Variants in TNXB observed in about 807,000 individuals in gnomAD.
The protein encoded by TNXB is tenascin XB.
TNXB carries 183 observed loss-of-function variants against 340.5 expected under a neutral mutation model. The observed-to-expected ratio is 0.54, with a 90% CI of 0.48 to 0.61. The LOEUF is 0.61. Among genes scored for constraint, TNXB ranks in the 20% least tolerant of loss-of-function variants. The pLI, the probability that TNXB is intolerant of heterozygous loss-of-function variation, is 0.00. For missense variants in TNXB, 4,613 were observed against 5,446.4 expected (o/e 0.85, Z 4.82); for synonymous variants, 2,121 against 2,314.5 (o/e 0.92, Z 2.40).
chr6:32,104,347 C>T (rs1460136385), intron 1 of TNXB, among the ~76,000 whole-genome samples: 3 of 152,172 alleles, frequency 2.0e-5, no homozygotes, highest in Non-Finnish European at 4.4e-5. Context: ...TTGGCATCTC[C>T]ACTTGGGCAC....
Position 32,050,146 on chromosome 6 carries a change from C to T in TNXB, c.9291G>A (p.Gly3097=), listed in dbSNP as rs1348204280. The T allele has an allele frequency of 2.5e-6, 4 of 1,613,758 alleles. No homozygotes were observed. Among genetic ancestry groups the T allele is most frequent in the South Asian group, 2.2e-5 (2 of 91,090 alleles). The stretch of plus-strand genomic sequence containing the variant: ...CCCGCACCGCCTTGGGCTGCCCATC[C>T]CCATTCCTGTACTGGACCAGGAAGT... The part of the protein sequence containing the change: ...FDHFLVQYRN[G]DGQPKAVRVP... Residue 3097 remains glycine (G), a synonymous_variant, in exon 27 of 44, where the codon GGG becomes GGA. Transcript: ENST00000644971.
rs1364802258 is a variant in TNXB, at chr6:32,082,093, G to T, written c.3679C>A (p.Leu1227Met). 15 of 1,610,410 alleles carry T rather than the reference G, an allele frequency of 9.3e-6. No individual in the cohort carries two copies. Among genetic ancestry groups the T allele is most frequent in the Non-Finnish European group, 1.3e-5 (15 of 1,178,630 alleles). Residue 1227 changes from leucine (L) to methionine (M), a missense_variant, in exon 9 of 44, where the codon CTG becomes ATG. By Grantham distance (15) the Leu-to-Met change is conservative. Transcript: ENST00000644971. The surrounding 1 kb of genome is among the most constrained non-coding windows in gnomAD (Gnocchi z 5.0). ...CGCTTCTTGTTCGCAATTCCAAACAGAGTGAATCTGTACTTGTGGTCAGGG... is the reference window on the plus strand; with the variant it reads ...CGCTTCTTGTTCGCAATTCCAAACATAGTGAATCTGTACTTGTGGTCAGGG... ...LDPDHKYRFT[L>M]FGIANKKRYG...
Position 32,062,640 on chromosome 6 carries a change from C to G in TNXB, c.6842-157G>C, listed in dbSNP as rs1778101666. Reference sequence around the variant, plus strand: ...TCTGCTTTGAATGTTCAGTTAACACCACACCTGTGGTGAAGTCATGATGCT... The same window carrying G: ...TCTGCTTTGAATGTTCAGTTAACACGACACCTGTGGTGAAGTCATGATGCT... On this transcript the variant is annotated intron_variant, in intron 19 of 43. Transcript: ENST00000644971. The surrounding 1 kb of genome is among the most constrained non-coding windows in gnomAD (Gnocchi z 4.3). Among the ~76,000 whole-genome samples the G allele has an allele frequency of 6.6e-6, 1 of 152,194 alleles. No homozygotes were observed. The highest frequency in any genetic ancestry group is 6.5e-5 in the Admixed American group (1 of 15,280).
chr6:32,044,026 G>A lies in TNXB; in HGVS notation c.11367C>T (p.Ser3789=). 2 of 1,585,026 alleles carry A rather than the reference G, an allele frequency of 1.3e-6. No homozygotes were observed. The highest frequency in any genetic ancestry group is 1.7e-6 in the Non-Finnish European group (2 of 1,166,222). Residue 3789 remains serine (S), a synonymous_variant, in exon 34 of 44, where the codon TCC becomes TCT. Transcript: ENST00000644971. ...CACCACCTCCGTCCGCCAGCTGGTAGGAGACTTTGAAGCTGTCCGCCCGGG... is the reference window on the plus strand; with the variant it reads ...CACCACCTCCGTCCGCCAGCTGGTAAGAGACTTTGAAGCTGTCCGCCCGGG... The part of the protein sequence containing the change: ...PPSRADSFKV[S]YQLADGGEPQ...
Position 32,089,774 on chromosome 6 carries a change from C to T in TNXB, c.2359-395G>A, listed in dbSNP as rs1278750399. 6.6e-6 allele frequency among the ~76,000 whole-genome samples: 1 copy of T among 152,136 alleles called. No homozygotes were observed. Among genetic ancestry groups the T allele is most frequent in the Non-Finnish European group, 1.5e-5 (1 of 68,014 alleles). On this transcript the variant is annotated intron_variant, in intron 4 of 43. Coordinates refer to ENST00000644971, the MANE Select transcript of TNXB (RefSeq NM_001365276.2). This position sits in a 1 kb window ranked among gnomAD's most constrained non-coding sequence, Gnocchi z 6.2. ...CACCCCCTATTTATCTGTCAGAGTC[C>T]CCTCTCATGGGCACCCCGTGTTCAT...
At position 32,082,210 on chromosome 6, in the gene TNXB, T is replaced by G. The variant is rs1582442025; in HGVS notation, c.3562A>C (p.Thr1188Pro). ...CTGTCCCTGTACTGGACCATGAAGG[T>G]GTCAAACTGGCCCTCAGGGACAGTC... is the stretch of plus-strand genomic sequence containing the variant. ...SWTVPEGQFDTFMVQYRDRDG... is the reference protein window; with the variant it reads ...SWTVPEGQFDPFMVQYRDRDG... Residue 1188 changes from threonine (T) to proline (P), a missense_variant, in exon 9 of 44, where the codon ACC becomes CCC. Thr to Pro is a conservative substitution (Grantham distance 38). Around this residue, in one of 7 missense-constraint regions of TNXB, gnomAD observed 4,327 missense variants for 4,859.4 expected, o/e 0.89. Coordinates refer to ENST00000644971, the MANE Select transcript of TNXB (RefSeq NM_001365276.2). The surrounding 1 kb of genome is among the most constrained non-coding windows in gnomAD (Gnocchi z 5.0). 1.2e-6 allele frequency: 2 copies of G among 1,612,190 alleles called. No homozygotes were observed. Among genetic ancestry groups the G allele is most frequent in the Non-Finnish European group, 1.7e-6 (2 of 1,179,494 alleles).
In TNXB at chr6:32,085,710, C is replaced by T. The variant is rs1398641601; in HGVS notation, c.3148+40G>A. On this transcript the variant is annotated intron_variant, in intron 7 of 43. Transcript: ENST00000644971. This position sits in a 1 kb window ranked among gnomAD's most constrained non-coding sequence, Gnocchi z 6.4. ...GTCCCAATAACCCCAGCTCCTCCCC[C>T]AATCTCAGGATATTGATCTGAGCAG... The T allele has an allele frequency of 1.3e-6, 2 of 1,491,634 alleles. No homozygotes were observed. Among genetic ancestry groups the T allele is most frequent in the Admixed American group, 4.5e-5 (2 of 44,694 alleles). The allele number at this position is 1,491,634 out of a possible 1,614,324, so 92.4% of individuals were successfully genotyped here.
intron 1 of TNXB, among the ~76,000 whole-genome samples, chr6:32,099,271 T>C (rs558551104): frequency 1.3e-4 from 20 of 151,038 alleles, no homozygotes; most frequent in African/African-American, 4.4e-4. Context: ...TCTTACTCTG[T>C]CGCCCAGGCT....
Position 32,049,485 on chromosome 6 carries a change from G to C in TNXB, c.9542C>G (p.Ser3181Trp), listed in dbSNP as rs756035213. Residue 3181 changes from serine to tryptophan, a missense_variant, in exon 28 of 44, where the codon TCG (serine) becomes TGG (tryptophan). Coordinates refer to ENST00000644971, the MANE Select transcript of TNXB (RefSeq NM_001365276.2). This position sits in a 1 kb window ranked among gnomAD's most constrained non-coding sequence, Gnocchi z 4.5. ...ELTVTGSSPD[S>W]LSLSWTVPQG... ...GGGGACGGTCCAGGAGAGGCTCAGC[G>C]AGTCAGGGGAGGATCCTGTCACTGT... is the stretch of plus-strand genomic sequence containing the variant. 2 of 1,612,572 alleles carry C rather than the reference G, an allele frequency of 1.2e-6. No homozygotes were observed. Among genetic ancestry groups the C allele is most frequent in the Non-Finnish European group, 1.7e-6 (2 of 1,179,850 alleles).
rs537835940 is a variant in TNXB, at chr6:32,055,938, G to T, written c.8380C>A (p.Leu2794Met). ...ATCTTGTATTTGCGCCCGGGCTCCA[G>T]GCCCCCCACGGTGACCTCGCTCTCC... ...GEESEVTVGG[L>M]EPGRKYKMHL... The change falls in exon 24 of 44, where the codon CTG becomes ATG. Residue 2794 changes from leucine (L) to methionine (M), a missense_variant. By Grantham distance (15) the Leu-to-Met change is conservative (BLOSUM62 2). Transcript: ENST00000644971. 1 of 1,613,518 alleles carries T rather than the reference G, an allele frequency of 6.2e-7. No individual in the cohort carries two copies. The highest frequency in any genetic ancestry group is 1.1e-5 in the South Asian group (1 of 91,082).
intron 21 of TNXB, among the ~76,000 whole-genome samples, chr6:32,059,157 G>A (rs1197008105): frequency 4.0e-5 from 6 of 151,750 alleles, no homozygotes; most frequent in South Asian, 4.1e-4. Context: ...AGTGGTTCAC[G>A]CCTGTAATCC....
intron 18 of TNXB, among the ~76,000 whole-genome samples, chr6:32,066,326 TG>T (rs1275210246): frequency 6.6e-6 from 1 of 151,832 alleles, no homozygotes; most frequent in African/African-American, 2.4e-5. Flanking sequence ...CCCAGGAGTC[TG>T]GGGCTGCAGT....
Position 32,068,511 on chromosome 6 carries a change from C to T in TNXB, c.6099G>A (p.Val2033=). The change falls in exon 17 of 44, where the codon GTG becomes GTA. Residue 2033 remains valine (V), a synonymous_variant. Transcript: ENST00000644971. This position sits in a 1 kb window ranked among gnomAD's most constrained non-coding sequence, Gnocchi z 5.3. ...NGDGQPKAVR[V]PGHEEGVTIS... is the part of the protein sequence containing the mutation. ...TGGTGACCCCTTCCTCGTGCCCTGG[C>T]ACCCTCACTGCCTTGGGCTGCCCAT... 2 of 1,613,962 alleles carry T rather than the reference C, an allele frequency of 1.2e-6. No homozygotes were observed. Among genetic ancestry groups the T allele is most frequent in the Non-Finnish European group, 1.7e-6 (2 of 1,179,912 alleles).
rs1776367990 is a variant in TNXB at position 32,041,357 on chromosome 6, C to T, written c.12727G>A (p.Gly4243Arg). Residue 4243 changes from glycine to arginine, a missense_variant, in exon 44 of 44, where the codon GGA (glycine) becomes AGA (arginine). Physicochemically the swap from Gly to Arg is moderately radical, Grantham distance 125. Transcript: ENST00000644971. ...GAGAGGTGGGCAGCAGCTCAGCCTC[C>T]CCCCGCTGGGGAGCGAAAGTTTCTT... ...RPRNFRSPAG[G>R]G is the part of the protein sequence containing the mutation. 3.2e-6 allele frequency: 3 copies of T among 950,120 alleles called. No individual in the cohort carries two copies. The highest frequency in any genetic ancestry group is 5.0e-6 in the Non-Finnish European group (3 of 601,064). 58.9% of individuals were successfully genotyped at this position (950,120 alleles called of 1,614,324 possible). A position where few individuals can be genotyped will look rare whatever the true frequency, so the allele number is the denominator to read the frequency against.
Position 32,061,458 on chromosome 6 carries a change from C to T in TNXB, c.7431G>A (p.Met2477Ile). The change falls in exon 21 of 44, where the codon ATG (methionine) becomes ATA (isoleucine). Residue 2477 changes from methionine (M) to isoleucine (I), a missense_variant. Coordinates refer to ENST00000644971, the MANE Select transcript of TNXB (RefSeq NM_001365276.2). The surrounding 1 kb of genome is among the most constrained non-coding windows in gnomAD (Gnocchi z 4.4). ...GGLEPGRKYKMHLYGLHEGRR... is the reference protein window; with the variant it reads ...GGLEPGRKYKIHLYGLHEGRR... ...GCCCCTCGTGGAGGCCATACAGGTG[C>T]ATCTTGTATTTGCGCCCAGGCTCCA... is the stretch of plus-strand genomic sequence containing the variant. 6 of 1,613,478 alleles carry T rather than the reference C, an allele frequency of 3.7e-6. No homozygotes were observed. Among genetic ancestry groups the T allele is most frequent in the South Asian group, 1.1e-5 (1 of 91,082 alleles).
In TNXB at chr6:32,082,250, T is replaced by C; in HGVS notation, c.3522A>G (p.Ser1174=). ...NLWVTDPTPD[S]LHLSWTVPEG... The stretch of plus-strand genomic sequence containing the variant: ...CAGGGACAGTCCAGGAGAGGTGCAG[T>C]GAATCTGGGGTAGGGTCTGTCACCC... The change falls in exon 9 of 44, where the codon TCA becomes TCG. Residue 1174 remains serine, a synonymous_variant. Coordinates refer to ENST00000644971, the MANE Select transcript of TNXB (RefSeq NM_001365276.2). This position sits in a 1 kb window ranked among gnomAD's most constrained non-coding sequence, Gnocchi z 5.0. 1.2e-6 allele frequency: 2 copies of C among 1,608,598 alleles called. No homozygotes were observed. The highest frequency in any genetic ancestry group is 1.7e-6 in the Non-Finnish European group (2 of 1,178,212).
At position 32,068,358 on chromosome 6, in the gene TNXB, C is replaced by A; in HGVS notation, c.6220+32G>T. Reference sequence around the variant, plus strand: ...GAGCAAGAGGGTGACCCTCCCATGGCTCCCACCCTGGGGCTCCCATCATCC... The same window carrying A: ...GAGCAAGAGGGTGACCCTCCCATGGATCCCACCCTGGGGCTCCCATCATCC... On this transcript the variant is annotated intron_variant, in intron 17 of 43. Coordinates refer to ENST00000644971, the MANE Select transcript of TNXB (RefSeq NM_001365276.2). The surrounding 1 kb of genome is among the most constrained non-coding windows in gnomAD (Gnocchi z 5.3). 6.2e-7 allele frequency: 1 copy of A among 1,607,288 alleles called. No homozygotes were observed. The highest frequency in any genetic ancestry group is 2.2e-5 in the East Asian group (1 of 44,786).
Position 32,081,493 on chromosome 6 carries a change from G to A in TNXB, c.3917C>T (p.Pro1306Leu), listed in dbSNP as rs1198812392. 1.2e-6 allele frequency: 2 copies of A among 1,606,138 alleles called. No individual in the cohort carries two copies. Among genetic ancestry groups the A allele is most frequent in the Admixed American group, 1.7e-5 (1 of 58,942 alleles). The part of the protein sequence containing the change: ...KDAQGQPQAV[P>L]VAGDENEVTV... ...AACCTCATTCTCATCCCCCGCAACA[G>A]GCACTGCCTGGGGCTGCCCCTGTGC... Residue 1306 changes from proline (P) to leucine (L), a missense_variant, in exon 10 of 44, where the codon CCT (proline) becomes CTT (leucine). Transcript: ENST00000644971. This position sits in a 1 kb window ranked among gnomAD's most constrained non-coding sequence, Gnocchi z 5.1.
chr6:32,104,059 G>A (rs766450439), intron 1 of TNXB, among the ~76,000 whole-genome samples: 2 of 151,960 alleles, frequency 1.3e-5, no homozygotes, highest in Non-Finnish European at 2.9e-5. Context: ...CTGTATCCAC[G>A]CTGACCAATA....
Sources: gnomAD v4.1 joint callset for allele counts (sites outside exome capture counted in the v4.1 genomes callset) on GRCh38, gnomAD v4.1.1 for gene constraint, gnomAD v4.1.1 regional missense constraint, Gnocchi (gnomAD v3.1) non-coding constraint, MANE v1.5 for transcripts, NCBI Gene and HGNC (gene_info 2026-07-23, HGNC 2026-07-21) for gene names.